Variants in FAM135B observed in about 807,000 individuals in gnomAD.
FAM135B encodes family with sequence similarity 135 member B.
In FAM135B, 43 loss-of-function variants were observed where a neutral mutation model predicts 127.7. That is an observed-to-expected ratio of 0.34 (90% CI 0.26 to 0.43). FAM135B has a LOEUF of 0.43. FAM135B is among the 20% of genes least tolerant of loss of function. The pLI is 1.00. For synonymous variants in FAM135B, 670 were observed against 665.1 expected (o/e 1.01, Z -0.11); for missense variants, 1,558 against 1,725.6 (o/e 0.90, Z 1.72).
At chr8:138,430,273 G>A (rs954562873) in intron 1 of FAM135B, among the ~76,000 whole-genome samples, 1 of 152,106 alleles carries the variant, frequency 6.6e-6, no homozygotes, top group Non-Finnish European at 1.5e-5. Context: ...CCTGTTATGT[G>A]CCACACACCC....
chr8:138,443,737 C>G (rs1286206140), intron 1 of FAM135B, among the ~76,000 whole-genome samples: 2 of 152,138 alleles, frequency 1.3e-5, no homozygotes, highest in Non-Finnish European at 2.9e-5. Context: ...TACTTTATGT[C>G]AGGTAAGACG....
intron 12 of FAM135B, among the ~76,000 whole-genome samples, chr8:138,159,750 T>C (rs1819176568): frequency 7.2e-6 from 1 of 138,642 alleles, no homozygotes; most frequent in Non-Finnish European, 1.5e-5. Flanking sequence ...GAACTTAAAG[T>C]ATAATTTTAA....
intron 2 of FAM135B, among the ~76,000 whole-genome samples, chr8:138,357,581 T>C (rs575728978): frequency 6.6e-6 from 1 of 152,148 alleles, no homozygotes; most frequent in Non-Finnish European, 1.5e-5. Flanking sequence ...CACAGATACA[T>C]ATATGTGTGC....
chr8:138,240,720 T>C (rs1820691229), intron 7 of FAM135B, among the ~76,000 whole-genome samples: 1 of 152,108 alleles, frequency 6.6e-6, no homozygotes, highest in Admixed American at 6.5e-5. Context: ...CAGAGAGTAC[T>C]TTCATATTAG....
chr8:138,209,076 T>C (rs1817936368), intron 7 of FAM135B, among the ~76,000 whole-genome samples: 1 of 152,190 alleles, frequency 6.6e-6, no homozygotes, highest in African/African-American at 2.4e-5. Flanking sequence ...TCCTCAGCAA[T>C]CAATGGGGTC....
intron 3 of FAM135B, among the ~76,000 whole-genome samples, chr8:138,299,809 T>A (rs949842415): frequency 1.3e-5 from 2 of 151,470 alleles, no homozygotes; most frequent in Non-Finnish European, 2.9e-5. Context: ...GAATAAAGAG[T>A]TAGTTACCAG....
At chr8:138,400,045 C>T (rs991316578) in intron 1 of FAM135B, among the ~76,000 whole-genome samples, 1 of 152,114 alleles carries the variant, frequency 6.6e-6, no homozygotes, top group Non-Finnish European at 1.5e-5. Context: ...GTGTTTGGCA[C>T]TGTATGAAGA....
At position 138,145,996 on chromosome 8, in the gene FAM135B, C is replaced by G. The variant is rs2130657893; in HGVS notation, c.3503G>C (p.Gly1168Ala). ...VKTFIELGLP[G>A]GKLDFLMSEK... The stretch of plus-strand genomic sequence containing the variant: ...AGACATTAGGAAGTCCAGTTTTCCT[C>G]CAGGGAGCCCCAGTTCTATGAAAGT... The change falls in exon 15 of 20, where the codon GGA (glycine) becomes GCA (alanine). Residue 1168 changes from glycine (G) to alanine (A), a missense_variant. Transcript: ENST00000395297. 1 of 1,610,500 alleles carries G rather than the reference C, an allele frequency of 6.2e-7. No individual in the cohort carries two copies. Among genetic ancestry groups the G allele is most frequent in the Non-Finnish European group, 8.5e-7 (1 of 1,176,804 alleles).
At chr8:138,414,528 T>A (rs1474133801) in intron 1 of FAM135B, among the ~76,000 whole-genome samples, 1 of 152,204 alleles carries the variant, frequency 6.6e-6, no homozygotes, top group Non-Finnish European at 1.5e-5. Flanking sequence ...TATCCTTAAT[T>A]TTAAGTTTTC....
chr8:138,226,131 C>T (rs1264457441), intron 7 of FAM135B, among the ~76,000 whole-genome samples: 2 of 146,990 alleles, frequency 1.4e-5, no homozygotes, highest in South Asian at 2.2e-4. Flanking sequence ...TAAAAAAATA[C>T]AATTTTCTGG....
chr8:138,322,430 C>T (rs895186913), intron 2 of FAM135B, among the ~76,000 whole-genome samples: 3 of 152,082 alleles, frequency 2.0e-5, no homozygotes, highest in Non-Finnish European at 4.4e-5. Context: ...AAAAGTAACT[C>T]CAGATTGCTT....
At chr8:138,236,968 G>T (rs1053222438) in intron 7 of FAM135B, among the ~76,000 whole-genome samples, 4 of 152,006 alleles carry the variant, frequency 2.6e-5, no homozygotes, top group Non-Finnish European at 4.4e-5. Context: ...TAAAGCCTCT[G>T]CCCAAGGAAA....
intron 1 of FAM135B, among the ~76,000 whole-genome samples, chr8:138,471,844 T>C (rs1837692369): frequency 6.6e-6 from 1 of 151,748 alleles, no homozygotes; most frequent in Non-Finnish European, 1.5e-5. Context: ...TACACCACAA[T>C]GAAAACAAGT....
intron 7 of FAM135B, among the ~76,000 whole-genome samples, chr8:138,211,586 T>A (rs1279398659): frequency 6.6e-6 from 1 of 152,228 alleles, no homozygotes; most frequent in Non-Finnish European, 1.5e-5. Context: ...GTGACAGTAT[T>A]GATATTGCAT....
intron 2 of FAM135B, among the ~76,000 whole-genome samples, chr8:138,345,432 G>A (rs921898028): frequency 7.9e-5 from 12 of 152,100 alleles, no homozygotes; most frequent in Non-Finnish European, 1.5e-4. Flanking sequence ...GCAGGGCCAG[G>A]GGCAAAGCTT....
chr8:138,135,099 T>C (rs1002183244), intron 19 of FAM135B, among the ~76,000 whole-genome samples: 10 of 152,236 alleles, frequency 6.6e-5, no homozygotes, highest in Admixed American at 5.9e-4. Flanking sequence ...AGCAGCCATA[T>C]ACAATATGTA....
At chr8:138,480,130 G>A (rs377122420) in intron 1 of FAM135B, among the ~76,000 whole-genome samples, 2 of 152,294 alleles carry the variant, frequency 1.3e-5, no homozygotes, top group East Asian at 3.9e-4. Context: ...GAGCCTCTGG[G>A]AGTTGAGCAC....
chr8:138,330,001 G>C (rs911747185), intron 2 of FAM135B, among the ~76,000 whole-genome samples: 2 of 152,136 alleles, frequency 1.3e-5, no homozygotes, highest in African/African-American at 2.4e-5. Flanking sequence ...ATGCTGGCTT[G>C]CATCTGGGCA....
rs60272179 is a variant in FAM135B at position 138,307,732 on chromosome 8, T to TAA, written c.157+3107_157+3108dup. Among the ~76,000 whole-genome samples the TAA allele has an allele frequency of 1.3e-3, 169 of 131,664 alleles. 1 individual carries two copies. The highest frequency in any genetic ancestry group is 4.6e-3 in the African/African-American group (161 of 35,126). The allele number at this position is 131,664 out of a possible 152,430, so 86.4% of individuals were successfully genotyped here. A position where few individuals can be genotyped will look rare whatever the true frequency, so the allele number is the denominator to read the frequency against. ...AAAGGTATGACTATCCCCATTGTGG[T>TAA]AAAAAAAAAAAAAAAAAAAAGAGAG... is the stretch of plus-strand genomic sequence containing the variant. On this transcript the variant is annotated intron_variant, in intron 3 of 19. Coordinates refer to ENST00000395297, the MANE Select transcript of FAM135B (RefSeq NM_015912.4).
Sources: allele counts gnomAD v4.1 joint callset (sites outside exome capture counted in the v4.1 genomes callset), GRCh38; gene constraint gnomAD v4.1.1; transcripts MANE v1.5; gene names NCBI Gene and HGNC (gene_info 2026-07-23, HGNC 2026-07-21).